The following ST8SIA3 variants were observed in gnomAD, a reference collection of about 807,000 sequenced individuals.
ST8SIA3 encodes ST8 alpha-N-acetyl-neuraminide alpha-2,8-sialyltransferase 3.
In ST8SIA3, 17 loss-of-function variants were observed where a neutral mutation model predicts 34.5. The observed-to-expected ratio is 0.49, with a 90% CI of 0.34 to 0.74. The LOEUF is 0.74. Ranked by LOEUF, ST8SIA3 falls within the 30% of genes least tolerant of loss-of-function variation. ST8SIA3 has a pLI of 0.01. For synonymous variants in ST8SIA3, 172 were observed against 176.1 expected, an observed-to-expected ratio of 0.98 and a Z score of 0.19; for missense variants, 354 against 467.8, an observed-to-expected ratio of 0.76 and a Z score of 2.24.
chr18:57,360,121 C>T lies in ST8SIA3; in HGVS notation c.987C>T (p.Asn329=). The T allele has an allele frequency of 1.2e-6, 2 of 1,614,150 alleles. No individual in the cohort carries two copies. The highest frequency in any genetic ancestry group is 1.7e-6 in the Non-Finnish European group (2 of 1,180,022). The part of the protein sequence containing the change: ...YGFWPFGFDP[N]TREDLPYHYY... ...TTTGGCCGTTTGGATTTGACCCCAACACAAGGGAAGATCTTCCATACCATT... is the reference window on the plus strand; with the variant it reads ...TTTGGCCGTTTGGATTTGACCCCAATACAAGGGAAGATCTTCCATACCATT... The change falls in exon 4 of 4, where the codon AAC becomes AAT. Residue 329 remains asparagine, a synonymous_variant. Coordinates refer to ENST00000324000, the MANE Select transcript of ST8SIA3 (RefSeq NM_015879.3).
At chr18:57,355,196 G>A (rs933501628) in intron 2 of ST8SIA3, among the ~76,000 whole-genome samples, 5 of 152,136 alleles carry the variant, frequency 3.3e-5, no homozygotes, top group Admixed American at 1.3e-4. Flanking sequence ...GGTGGAAGAA[G>A]GATGAGATTT....
intron 1 of ST8SIA3, 35 bp downstream of exon 1, chr18:57,353,060 AT>A (rs2049774312): frequency 6.3e-7 from 1 of 1,591,182 alleles, no homozygotes; most frequent in African/African-American, 1.3e-5. Context: ...GCCCTCGGGA[AT>A]TTGGTTGATG....
intron 1 of ST8SIA3, among the ~76,000 whole-genome samples, chr18:57,353,500 C>T (rs1237947612): frequency 6.6e-6 from 1 of 152,174 alleles, no homozygotes; most frequent in African/African-American, 2.4e-5. Context: ...TCCTTTACTC[C>T]CCCACGCCTA....
At chr18:57,354,317 C>T (rs371165394) in intron 1 of ST8SIA3, 85 bp from the exon 2 acceptor site, 3 of 1,575,020 alleles carry the variant, frequency 1.9e-6, no homozygotes, top group South Asian at 1.1e-5. Flanking sequence ...CAGCCGCCCT[C>T]GCCCCAGCCG....
Position 57,352,981 on chromosome 18 carries a change from C to A in ST8SIA3, c.135C>A (p.Ala45=). 1 of 1,612,368 alleles carries A rather than the reference C, an allele frequency of 6.2e-7. No homozygotes were observed. The highest frequency in any genetic ancestry group is 8.5e-7 in the Non-Finnish European group (1 of 1,179,980). ...KENIFTTPKY[A]SPGAPRMYMF... ...ACATCTTCACCACTCCCAAGTACGC[C>A]AGCCCGGGGGCGCCCCGAATGTACA... is the stretch of plus-strand genomic sequence containing the variant. The change falls in exon 1 of 4, where the codon GCC becomes GCA. Residue 45 remains alanine (A), a synonymous_variant. Transcript: ENST00000324000.
At chr18:57,358,541 TGGTAGAG>T (rs60594572) in intron 3 of ST8SIA3, among the ~76,000 whole-genome samples, 39,353 of 151,772 alleles carry the variant, frequency 0.26, 6,052 homozygotes, top group East Asian at 0.51. Context: ...TGTATCTCAA[TGGTAGAG>T]GGTAGAGTGA....
At chr18:57,359,898 C>T (rs1453372710) in intron 3 of ST8SIA3, 97 bp from the exon 4 acceptor site, 5 of 1,059,186 alleles carry the variant, frequency 4.7e-6, no homozygotes, top group African/African-American at 1.6e-5. Flanking sequence ...ATTTAAGTTA[C>T]AGTAACAAAT....
rs1328927373 is a variant in ST8SIA3, at chr18:57,368,187, CAATT to C, written c.*7915_*7918del. ...CTTCCATTAGTTAGATGGACATTGA[CAATT>C]AATTGTGAAAGCATTAATTAGAAGT... On this transcript the variant is annotated 3_prime_UTR_variant, in exon 4 of 4. Transcript: ENST00000324000. The C allele has an allele frequency of 1.3e-5, 2 of 152,166 alleles. No homozygotes were observed. The highest frequency in any genetic ancestry group is 3.2e-3 in the Middle Eastern group (1 of 316). 9.4% of individuals were successfully genotyped at this position (152,166 alleles called of 1,614,324 possible).
rs2049869509 is a variant in ST8SIA3 at position 57,367,877 on chromosome 18, C to A, written c.*7600C>A. ...TGAGTAACAGGCTGAGATCCGGTCA[C>A]CAAGCATCATTAGTTAGCACTGAAA... is the stretch of plus-strand genomic sequence containing the variant. On this transcript the variant is annotated 3_prime_UTR_variant, in exon 4 of 4. Coordinates refer to ENST00000324000, the MANE Select transcript of ST8SIA3 (RefSeq NM_015879.3). 1 of 152,656 alleles carries A rather than the reference C, an allele frequency of 6.6e-6. No individual in the cohort carries two copies. The allele number at this position is 152,656 out of a possible 1,614,324, so 9.5% of individuals were successfully genotyped here. A position where few individuals can be genotyped will look rare whatever the true frequency, so the allele number is the denominator to read the frequency against.
intron 2 of ST8SIA3, among the ~76,000 whole-genome samples, chr18:57,356,121 T>G (rs1413151896): frequency 6.6e-6 from 1 of 152,226 alleles, no homozygotes; most frequent in African/African-American, 2.4e-5. Flanking sequence ...TAAGAAGAGA[T>G]ACTTAATTTT....
chr18:57,354,065 G>A (rs2049783230), intron 1 of ST8SIA3, among the ~76,000 whole-genome samples: 1 of 152,234 alleles, frequency 6.6e-6, no homozygotes, highest in African/African-American at 2.4e-5. Context: ...TCAGGCTGGC[G>A]GGGCGGCCGC....
At position 57,357,012 on chromosome 18, in the gene ST8SIA3, T is replaced by C. The variant is rs376550753; in HGVS notation, c.402T>C (p.His134=). The C allele has an allele frequency of 2.5e-6, 4 of 1,613,960 alleles. No individual in the cohort carries two copies. In the African/African-American group the frequency reaches 4.0e-5, roughly 16 times the overall value. Residue 134 remains histidine (H), a synonymous_variant, in exon 3 of 4, where the codon CAT becomes CAC. Coordinates refer to ENST00000324000, the MANE Select transcript of ST8SIA3 (RefSeq NM_015879.3). The part of the protein sequence containing the change: ...GQLMHYDYSS[H]KYVFSISNNF... ...TGATGCACTATGATTATTCCAGCCA[T>C]AAATATGTTTTCTCTATTAGCAATA...
In ST8SIA3 at chr18:57,352,683, T is replaced by TTC; in HGVS notation, c.-164_-163insTC. 2 of 100,624 alleles carry TTC rather than the reference T, an allele frequency of 2.0e-5. No individual in the cohort carries two copies. Among genetic ancestry groups the TTC allele is most frequent in the Non-Finnish European group, 3.8e-5 (2 of 52,408 alleles). 6.2% of individuals were successfully genotyped at this position (100,624 alleles called of 1,614,324 possible). ...GCCCCAACCCCCGGCCCCGGTGGCC[T>TTC]CCCCCCACCCCCGCCCGGGTCCCCC... On this transcript the variant is annotated 5_prime_UTR_variant, in exon 1 of 4. Transcript: ENST00000324000.
At chr18:57,356,791 A>G in intron 2 of ST8SIA3, 122 bp from the exon 3 acceptor site, 2 of 653,452 alleles carry the variant, frequency 3.1e-6, no homozygotes, top group African/African-American at 1.8e-5. Context: ...TTATGTATGT[A>G]TAATCTTTTT....
In ST8SIA3 at chr18:57,363,770, G is replaced by A. The variant is rs988139419; in HGVS notation, c.*3493G>A. The A allele has an allele frequency of 6.6e-5, 10 of 152,206 alleles. No homozygotes were observed. The highest frequency in any genetic ancestry group is 2.4e-4 in the African/African-American group (10 of 41,454). The allele number at this position is 152,206 out of a possible 1,614,324, so 9.4% of individuals were successfully genotyped here. Reference sequence around the variant, plus strand: ...CAGGGACAATATTGTAGAATGCTAGGACACTGGAAATGAAGAGGCCTTCAG... The same window carrying A: ...CAGGGACAATATTGTAGAATGCTAGAACACTGGAAATGAAGAGGCCTTCAG... On this transcript the variant is annotated 3_prime_UTR_variant, in exon 4 of 4. Transcript: ENST00000324000.
rs1352446348 is a variant in ST8SIA3, at chr18:57,366,232, G to A, written c.*5955G>A. 3 of 152,210 alleles carry A rather than the reference G, an allele frequency of 2.0e-5. No homozygotes were observed. The highest frequency in any genetic ancestry group is 7.2e-5 in the African/African-American group (3 of 41,438). 9.4% of individuals were successfully genotyped at this position (152,210 alleles called of 1,614,324 possible). A position where few individuals can be genotyped will look rare whatever the true frequency, so the allele number is the denominator to read the frequency against. ...CTTTTAAATGTCCCCTCCACCAAGG[G>A]AAGCATTTCCATGTTGGTTAGTTTT... On this transcript the variant is annotated 3_prime_UTR_variant, in exon 4 of 4. Coordinates refer to ENST00000324000, the MANE Select transcript of ST8SIA3 (RefSeq NM_015879.3).
At position 57,362,131 on chromosome 18, in the gene ST8SIA3, G is replaced by C. The variant is rs1349786459; in HGVS notation, c.*1854G>C. 3 of 152,188 alleles carry C rather than the reference G, an allele frequency of 2.0e-5. No homozygotes were observed. In the East Asian group the frequency reaches 5.8e-4, roughly 29 times the overall value. 9.4% of individuals were successfully genotyped at this position (152,188 alleles called of 1,614,324 possible). ...ACATTACAATATAATTATAAGGGGAGACATTAAAAACATTTTGTAATTCAG... is the reference window on the plus strand; with the variant it reads ...ACATTACAATATAATTATAAGGGGACACATTAAAAACATTTTGTAATTCAG... On this transcript the variant is annotated 3_prime_UTR_variant, in exon 4 of 4. Coordinates refer to ENST00000324000, the MANE Select transcript of ST8SIA3 (RefSeq NM_015879.3).
At chr18:57,357,553 A>G (rs1386890094) in intron 3 of ST8SIA3, 83 bp downstream of exon 3, 2 of 1,082,778 alleles carry the variant, frequency 1.8e-6, no homozygotes, top group Non-Finnish European at 2.7e-6. Context: ...GGAGCCATCC[A>G]ATTCATTAGT....
In ST8SIA3 at chr18:57,368,297, T is replaced by C. The variant is rs942294333; in HGVS notation, c.*8020T>C. 15 of 152,154 alleles carry C rather than the reference T, an allele frequency of 9.9e-5. No homozygotes were observed. The highest frequency in any genetic ancestry group is 2.1e-4 in the Non-Finnish European group (14 of 68,036). The allele number at this position is 152,154 out of a possible 1,614,324, so 9.4% of individuals were successfully genotyped here. A position where few individuals can be genotyped will look rare whatever the true frequency, so the allele number is the denominator to read the frequency against. ...CATTGCATTTCAGCATTTTAAAGAA[T>C]AGTGTATCAGTATAGAAGGAGGAGC... On this transcript the variant is annotated 3_prime_UTR_variant, in exon 4 of 4. Transcript: ENST00000324000.
Sources: allele counts gnomAD v4.1 joint callset (sites outside exome capture counted in the v4.1 genomes callset), GRCh38; gene constraint gnomAD v4.1.1; transcripts MANE v1.5; gene names NCBI Gene and HGNC (gene_info 2026-07-23, HGNC 2026-07-21).